Variants in SUCLG2 observed in about 807,000 individuals in gnomAD.
SUCLG2 encodes the protein succinate--CoA ligase [GDP-forming] subunit beta, mitochondrial.
SUCLG2 carries 42 observed loss-of-function variants against 47.9 expected under a neutral mutation model. The ratio of observed to expected loss-of-function variants is 0.88; its 90% CI spans 0.69 to 1.14. The LOEUF (loss-of-function observed/expected upper bound fraction) is 1.14. SUCLG2 is among the 50% of genes most tolerant of loss of function. SUCLG2 has a pLI of 0.00. For synonymous variants in SUCLG2, 195 were observed against 197.3 expected (o/e 0.99, Z 0.10); for missense variants, 571 against 525.9 (o/e 1.09, Z -0.84).
intron 10 of SUCLG2, among the ~76,000 whole-genome samples, chr3:67,387,662 G>A (rs1478657737): frequency 6.6e-6 from 1 of 152,098 alleles, no homozygotes; most frequent in African/African-American, 2.4e-5. Flanking sequence ...ATAATACGCA[G>A]ATGATATTCA....
intron 2 of SUCLG2, among the ~76,000 whole-genome samples, chr3:67,600,085 G>A (rs972818843): frequency 6.6e-6 from 1 of 152,030 alleles, no homozygotes; most frequent in Non-Finnish European, 1.5e-5. Context: ...AAAGTATGAC[G>A]CTCATTTTCT....
chr3:67,583,857 C>T (rs1010721964), intron 2 of SUCLG2, among the ~76,000 whole-genome samples: 2 of 152,228 alleles, frequency 1.3e-5, no homozygotes, highest in African/African-American at 2.4e-5. Context: ...ACTTCCTCTA[C>T]TTCCTCTTGT....
chr3:67,619,507 G>A (rs1405125912), intron 1 of SUCLG2, among the ~76,000 whole-genome samples: 1 of 152,156 alleles, frequency 6.6e-6, no homozygotes, highest in Non-Finnish European at 1.5e-5. Flanking sequence ...AAAAGAAGCA[G>A]GAGGCTCTGG....
At chr3:67,380,280 T>C (rs1255972229) in intron 10 of SUCLG2, among the ~76,000 whole-genome samples, 1 of 151,810 alleles carries the variant, frequency 6.6e-6, no homozygotes, top group Non-Finnish European at 1.5e-5. Context: ...GAGTGAGGAC[T>C]CCAAGCTGTT....
intron 9 of SUCLG2, among the ~76,000 whole-genome samples, chr3:67,453,380 G>C (rs1319825906): frequency 6.6e-6 from 1 of 152,188 alleles, no homozygotes; most frequent in Middle Eastern, 3.4e-3. Context: ...GTCTGGTGAG[G>C]GCCTGTTTCC....
At chr3:67,398,933 A>C (rs970799605) in intron 10 of SUCLG2, among the ~76,000 whole-genome samples, 2 of 149,754 alleles carry the variant, frequency 1.3e-5, no homozygotes, top group African/African-American at 4.9e-5. Context: ...AAAAAACCAA[A>C]CACCACATGT....
At chr3:67,540,679 C>A (rs1706679309) in intron 2 of SUCLG2, among the ~76,000 whole-genome samples, 1 of 152,216 alleles carries the variant, frequency 6.6e-6, no homozygotes, top group Admixed American at 6.5e-5. Flanking sequence ...GATCTCCCAG[C>A]ACACTGCTGG....
chr3:67,604,517 T>C (rs185907620), intron 2 of SUCLG2, among the ~76,000 whole-genome samples: 20 of 152,350 alleles, frequency 1.3e-4, no homozygotes, highest in African/African-American at 4.1e-4. Context: ...GCATGTTTTT[T>C]AACTTTATCT....
intron 1 of SUCLG2, among the ~76,000 whole-genome samples, chr3:67,623,780 G>A (rs959471311): frequency 6.6e-6 from 1 of 152,214 alleles, no homozygotes; most frequent in African/African-American, 2.4e-5. Context: ...AAATGAGCTT[G>A]CACACTAAGC....
intron 2 of SUCLG2, among the ~76,000 whole-genome samples, chr3:67,601,082 A>G (rs1011433728): frequency 6.6e-6 from 1 of 152,208 alleles, no homozygotes; most frequent in Non-Finnish European, 1.5e-5. Context: ...TTGGAAAAAA[A>G]TTTAATATTT....
intron 8 of SUCLG2, among the ~76,000 whole-genome samples, chr3:67,496,564 A>G (rs1705345391): frequency 6.6e-6 from 1 of 152,180 alleles, no homozygotes; most frequent in South Asian, 2.1e-4. Flanking sequence ...GACTGCACAA[A>G]AACAATATTC....
At chr3:67,498,345 A>T in intron 7 of SUCLG2, 50 bp from the exon 8 acceptor site, 5 of 1,589,352 alleles carry the variant, frequency 3.1e-6, no homozygotes, top group Non-Finnish European at 4.3e-6. Flanking sequence ...GAGGATCTAT[A>T]AATTAAGTTC....
At chr3:67,482,074 G>A (rs1274235496) in intron 9 of SUCLG2, among the ~76,000 whole-genome samples, 1 of 152,192 alleles carries the variant, frequency 6.6e-6, no homozygotes, top group Non-Finnish European at 1.5e-5. Context: ...CAGCTACTCA[G>A]AAGGCTGAGG....
chr3:67,567,509 C>A (rs1158515544), intron 2 of SUCLG2, among the ~76,000 whole-genome samples: 1 of 151,992 alleles, frequency 6.6e-6, no homozygotes, highest in Non-Finnish European at 1.5e-5. Flanking sequence ...AAACTCCTGG[C>A]CTCAAGCGAT....
chr3:67,537,461 G>T (rs1706575823), intron 2 of SUCLG2, among the ~76,000 whole-genome samples: 1 of 152,082 alleles, frequency 6.6e-6, no homozygotes, highest in Non-Finnish European at 1.5e-5. Context: ...TCTTTATTCA[G>T]CCTATCACTG....
intron 7 of SUCLG2, 32 bp downstream of exon 7, chr3:67,508,775 C>T: frequency 6.8e-7 from 1 of 1,472,836 alleles, no homozygotes; most frequent in Non-Finnish European, 9.3e-7. Context: ...ATAATACATT[C>T]ATTTGTTTTC....
At chr3:67,481,999 C>G (rs1028421607) in intron 9 of SUCLG2, among the ~76,000 whole-genome samples, 1 of 152,108 alleles carries the variant, frequency 6.6e-6, no homozygotes, top group Non-Finnish European at 1.5e-5. Context: ...GCCAACAAGG[C>G]GAAGCCCTGT....
intron 6 of SUCLG2, among the ~76,000 whole-genome samples, chr3:67,511,545 T>A (rs986818727): frequency 8.1e-4 from 123 of 152,254 alleles, no homozygotes; most frequent in Non-Finnish European, 5.4e-4. Flanking sequence ...AAGAAGTCCC[T>A]TCACTCTTCC....
chr3:67,606,626 G>A (rs1251949296), intron 2 of SUCLG2, among the ~76,000 whole-genome samples: 1 of 152,138 alleles, frequency 6.6e-6, no homozygotes, highest in African/African-American at 2.4e-5. Context: ...GTTCACTGAG[G>A]AGCTCTCATC....
Sources: gnomAD v4.1 joint callset for allele counts (sites outside exome capture counted in the v4.1 genomes callset) on GRCh38, gnomAD v4.1.1 for gene constraint, MANE v1.5 for transcripts, NCBI Gene and HGNC (gene_info 2026-07-23, HGNC 2026-07-21) for gene names.